Variants in PTPRD observed in about 807,000 individuals in gnomAD.
PTPRD encodes receptor-type tyrosine-protein phosphatase delta.
In PTPRD, 34 loss-of-function variants were observed where a neutral mutation model predicts 214.5. The ratio of observed to expected loss-of-function variants is 0.16; its 90% confidence interval spans 0.12 to 0.21. PTPRD has a LOEUF of 0.21. PTPRD is among the 10% of genes least tolerant of loss of function. PTPRD has a pLI of 1.00. For synonymous variants in PTPRD, 1,128 were observed against 845.7 expected (o/e 1.33, Z -5.79); for missense variants, 2,545 against 2,398.7 (o/e 1.06, Z -1.27).
chr9:9,815,460 G>C (rs903137274), intron 5 of PTPRD, among the ~76,000 whole-genome samples: 4 of 152,048 alleles, frequency 2.6e-5, no homozygotes, highest in African/African-American at 9.7e-5. Context: ...TCTGGGAAAT[G>C]ATTTTTTTAG....
intron 3 of PTPRD, among the ~76,000 whole-genome samples, chr9:10,073,895 A>G (rs1008022832): frequency 6.6e-6 from 1 of 152,156 alleles, no homozygotes; most frequent in Admixed American, 6.5e-5. Context: ...TAAAATATAC[A>G]TTAATAGTTT....
intron 11 of PTPRD, among the ~76,000 whole-genome samples, chr9:8,841,782 C>T (rs535279974): frequency 1.3e-5 from 2 of 151,832 alleles, no homozygotes; most frequent in East Asian, 1.9e-4. Flanking sequence ...GAGGCCAAGG[C>T]GGGTGGATCA....
At chr9:9,896,258 G>A (rs928004793) in intron 5 of PTPRD, among the ~76,000 whole-genome samples, 1 of 151,980 alleles carries the variant, frequency 6.6e-6, no homozygotes, top group African/African-American at 2.4e-5. Context: ...TTTTGCTGGA[G>A]CAAATGAAAG....
At chr9:10,050,589 A>AAAAAAAAAAAAT (rs2097516520) in intron 3 of PTPRD, among the ~76,000 whole-genome samples, 1 of 145,564 alleles carries the variant, frequency 6.9e-6, no homozygotes, top group Non-Finnish European at 1.5e-5. Context: ...AAAAAAAAAA[A>AAAAAAAAAAAAT]AGACTATGTC....
At chr9:8,863,506 G>C (rs961323519) in intron 11 of PTPRD, among the ~76,000 whole-genome samples, 11 of 152,124 alleles carry the variant, frequency 7.2e-5, no homozygotes, top group African/African-American at 2.4e-4. Flanking sequence ...ATTAATATAT[G>C]ACAAGCTGTC....
chr9:9,389,371 G>T (rs190757136), intron 9 of PTPRD, among the ~76,000 whole-genome samples: 2 of 151,916 alleles, frequency 1.3e-5, no homozygotes, highest in Non-Finnish European at 2.9e-5. Context: ...TTAGCCGGGC[G>T]TGGTGGCACA....
intron 5 of PTPRD, among the ~76,000 whole-genome samples, chr9:9,920,910 C>G (rs983667252): frequency 6.6e-6 from 1 of 152,084 alleles, no homozygotes; most frequent in Non-Finnish European, 1.5e-5. Context: ...GATAGAAGAT[C>G]AGTGATTGCT....
chr9:10,598,753 T>C (rs1231604377), intron 2 of PTPRD, among the ~76,000 whole-genome samples: 1 of 147,752 alleles, frequency 6.8e-6, no homozygotes, highest in Non-Finnish European at 1.5e-5. Context: ...GACAGAGAGG[T>C]AAATAGGTAG....
chr9:8,823,483 T>A, intron 11 of PTPRD, among the ~76,000 whole-genome samples: 1 of 152,094 alleles, frequency 6.6e-6, no homozygotes, highest in East Asian at 1.9e-4. Context: ...CTTCCCCATC[T>A]CAAGAAATCA....
At chr9:9,143,160 A>G (rs2099863138) in intron 10 of PTPRD, among the ~76,000 whole-genome samples, 1 of 152,082 alleles carries the variant, frequency 6.6e-6, no homozygotes, top group African/African-American at 2.4e-5. Context: ...CAAATTCCTC[A>G]TTGGAGCATG....
intron 5 of PTPRD, among the ~76,000 whole-genome samples, chr9:9,802,910 C>A (rs549655307): frequency 6.3e-4 from 95 of 151,826 alleles, no homozygotes; most frequent in African/African-American, 2.2e-3. Context: ...ATAATTTGAG[C>A]TATTTTAAGA....
chr9:8,424,959 T>G (rs188465493), intron 35 of PTPRD, among the ~76,000 whole-genome samples: 25 of 152,316 alleles, frequency 1.6e-4, no homozygotes, highest in Admixed American at 1.5e-3. Flanking sequence ...TCCCAAGGCC[T>G]AGCCAAAACT....
intron 2 of PTPRD, among the ~76,000 whole-genome samples, chr9:10,496,835 C>T (rs190995580): frequency 1.3e-5 from 2 of 152,080 alleles, no homozygotes; most frequent in Admixed American, 6.6e-5. Context: ...TGCTTAAGTT[C>T]CCTATAGATT....
At chr9:8,717,164 G>C (rs1000527982) in intron 12 of PTPRD, among the ~76,000 whole-genome samples, 2 of 152,060 alleles carry the variant, frequency 1.3e-5, no homozygotes, top group South Asian at 4.1e-4. Flanking sequence ...AGAAAGAAAA[G>C]TTAGACAAAT....
chr9:8,504,317 G>C lies in PTPRD; in HGVS notation c.1766C>G (p.Ser589Cys), dbSNP rs2137224235. Residue 589 changes from serine to cysteine, a missense_variant, in exon 23 of 46, where the codon TCC becomes TGC. Coordinates refer to ENST00000381196, the MANE Select transcript of PTPRD (RefSeq NM_002839.4). Reference protein sequence around the residue: ...SLYYFRLAARSPQGLGASTAE... With the variant: ...SLYYFRLAARCPQGLGASTAE... ...AGTAGAAGCACCCAGGCCTTGAGGG[G>C]AGCGTGCAGCCAGACGGAAATAGTA... 1.2e-6 allele frequency: 2 copies of C among 1,614,110 alleles called. No individual in the cohort carries two copies. Among genetic ancestry groups the C allele is most frequent in the Middle Eastern group, 1.6e-4 (1 of 6,062 alleles).
rs530728001 is a variant in PTPRD at position 8,527,153 on chromosome 9, C to T, written c.550+192G>A. 3.3e-5 allele frequency among the ~76,000 whole-genome samples: 5 copies of T among 152,010 alleles called. No homozygotes were observed. The East Asian group carries it at 9.7e-4, about 30-fold the overall frequency. On this transcript the variant is annotated intron_variant, in intron 16 of 45. Coordinates refer to ENST00000381196, the MANE Select transcript of PTPRD (RefSeq NM_002839.4). ...ACATTGGTGTGCCATAACTTGTGTACTATTTAATTTTTCTGCACAGTGTTC... is the reference window on the plus strand; with the variant it reads ...ACATTGGTGTGCCATAACTTGTGTATTATTTAATTTTTCTGCACAGTGTTC...
At chr9:10,493,997 T>G (rs965380121) in intron 2 of PTPRD, among the ~76,000 whole-genome samples, 3 of 151,988 alleles carry the variant, frequency 2.0e-5, no homozygotes, top group African/African-American at 7.2e-5. Context: ...TTTATGTTTC[T>G]TATCTTAGCA....
At chr9:8,431,741 C>T (rs2095067571) in intron 35 of PTPRD, among the ~76,000 whole-genome samples, 1 of 152,128 alleles carries the variant, frequency 6.6e-6, no homozygotes, top group African/African-American at 2.4e-5. Context: ...TTGTGGATAC[C>T]ACAGCTGACC....
chr9:10,364,994 C>T (rs1014361829), intron 2 of PTPRD, among the ~76,000 whole-genome samples: 1 of 150,414 alleles, frequency 6.6e-6, no homozygotes, highest in Non-Finnish European at 1.5e-5. Flanking sequence ...TTACCACCTG[C>T]TCATTAATTA....
Sources: gnomAD v4.1 joint callset for allele counts (sites outside exome capture counted in the v4.1 genomes callset) on GRCh38, gnomAD v4.1.1 for gene constraint, MANE v1.5 for transcripts, NCBI Gene and HGNC (gene_info 2026-07-23, HGNC 2026-07-21) for gene names.